The following MARK2 variants were observed in gnomAD, a reference collection of about 807,000 sequenced individuals.
The protein encoded by MARK2 is serine/threonine-protein kinase MARK2.
In MARK2, 16 loss-of-function variants were observed where a neutral mutation model predicts 89.8. The ratio of observed to expected loss-of-function variants is 0.18; its 90% confidence interval spans 0.12 to 0.27. The LOEUF is 0.27. Ranked by LOEUF, MARK2 falls within the 10% of genes least tolerant of loss-of-function variation. The probability of loss-of-function intolerance (pLI) is 1.00; values close to 1 mark genes in which losing one functional copy is unlikely to be tolerated. For missense variants in MARK2, 621 were observed against 1,049.9 expected (o/e 0.59, Z 5.65); for synonymous variants, 382 against 399.5 (o/e 0.96, Z 0.52).
At chr11:63,844,317 A>C (rs1423044933) in intron 1 of MARK2, among the ~76,000 whole-genome samples, 1 of 152,126 alleles carries the variant, frequency 6.6e-6, no homozygotes, top group Non-Finnish European at 1.5e-5. Flanking sequence ...CCATCTCTAC[A>C]AAAAAATTTT....
intron 1 of MARK2, among the ~76,000 whole-genome samples, chr11:63,852,550 A>G (rs2016624106): frequency 6.6e-6 from 1 of 151,936 alleles, no homozygotes; most frequent in African/African-American, 2.4e-5. Flanking sequence ...TAAAAAAGGG[A>G]GATTAGAAGA....
At chr11:63,898,463 C>A in intron 4 of MARK2, 145 bp from the exon 5 acceptor site, 1 of 888,406 alleles carries the variant, frequency 1.1e-6, no homozygotes, top group Non-Finnish European at 1.8e-6. Context: ...AGCAGTTTGG[C>A]TGGCATGAGA....
chr11:63,869,088 AGT>A (rs1938300699), intron 1 of MARK2, among the ~76,000 whole-genome samples: 1 of 152,096 alleles, frequency 6.6e-6, no homozygotes, highest in Non-Finnish European at 1.5e-5. Context: ...GTGGTATGAA[AGT>A]GTCATCTGAC....
At chr11:63,859,311 GTTTA>G (rs764871945) in intron 1 of MARK2, among the ~76,000 whole-genome samples, 114 of 149,252 alleles carry the variant, frequency 7.6e-4, no homozygotes, top group Non-Finnish European at 1.5e-3. Context: ...TTTTTAACCT[GTTTA>G]TTTCTTTTTT....
At position 63,874,322 on chromosome 11, in the gene MARK2, G is replaced by T. The variant is rs572105104; in HGVS notation, c.55-20837G>T. 1.2e-4 allele frequency among the ~76,000 whole-genome samples: 19 copies of T among 152,320 alleles called. No individual in the cohort carries two copies. The South Asian group carries it at 3.9e-3, about 32-fold the overall frequency. On this transcript the variant is annotated intron_variant, in intron 1 of 18. Transcript: ENST00000402010. ...TTTTGATTTCTGATTGGGAGTTTAG[G>T]CATCTGAGAATTGAATGCTTGCTTT...
intron 1 of MARK2, among the ~76,000 whole-genome samples, chr11:63,846,362 A>AT (rs1565092911): frequency 5.3e-5 from 8 of 150,790 alleles, no homozygotes; most frequent in Non-Finnish European, 7.4e-5. Context: ...ACAAAAAAAA[A>AT]ATTTTTTTTT....
chr11:63,890,926 G>A (rs575486332), intron 1 of MARK2, among the ~76,000 whole-genome samples: 34 of 152,316 alleles, frequency 2.2e-4, no homozygotes, highest in African/African-American at 6.7e-4. Context: ...AGAGTTCCTC[G>A]GGATCCTCCC....
chr11:63,845,111 A>C (rs2135194658), intron 1 of MARK2, among the ~76,000 whole-genome samples: 1 of 152,304 alleles, frequency 6.6e-6, no homozygotes, highest in South Asian at 2.1e-4. Context: ...CAGCAGATGG[A>C]AAGGGTGAGG....
chr11:63,856,077 A>G (rs969550933), intron 1 of MARK2, among the ~76,000 whole-genome samples: 1 of 152,208 alleles, frequency 6.6e-6, no homozygotes. Flanking sequence ...CAGACAAAAC[A>G]TGGGGCCCTT....
rs1052706603 is a variant in MARK2 at position 63,910,769 on chromosome 11, G to T, written c.*1532G>T. The stretch of plus-strand genomic sequence containing the variant: ...CTAGGAAGGGGCCTTGCCAACCTCA[G>T]CCCTCCTGCCCCACACTCCTACTGC... On this transcript the variant is annotated 3_prime_UTR_variant, in exon 19 of 19. Transcript: ENST00000402010. The T allele has an allele frequency of 8.4e-4, 127 of 151,086 alleles. 1 individual carries two copies. Among genetic ancestry groups the T allele is most frequent in the Non-Finnish European group, 8.8e-5 (6 of 67,942 alleles). 9.4% of individuals were successfully genotyped at this position (151,086 alleles called of 1,614,324 possible). A position where few individuals can be genotyped will look rare whatever the true frequency, so the allele number is the denominator to read the frequency against.
At chr11:63,889,334 C>G (rs1479347482) in intron 1 of MARK2, among the ~76,000 whole-genome samples, 1 of 152,226 alleles carries the variant, frequency 6.6e-6, no homozygotes, top group Non-Finnish European at 1.5e-5. Context: ...TAGTGCCTGG[C>G]TTACTCTGCT....
Position 63,895,623 on chromosome 11 carries a change from G to A in MARK2, c.278G>A (p.Ser93Asn). Reference protein sequence around the residue: ...IIDKTQLNSSSLQKLFREVRI... With the variant: ...IIDKTQLNSSNLQKLFREVRI... ...GACAAGACTCAACTGAACTCCTCCA[G>A]CCTCCAGAAAGTAAGCACATGGCAC... The change falls in exon 3 of 19, where the codon AGC (serine) becomes AAC (asparagine). Residue 93 changes from serine (S) to asparagine (N), a missense_variant. By Grantham distance (46) the Ser-to-Asn change is conservative. Transcript: ENST00000402010. 6.4e-7 allele frequency: 1 copy of A among 1,564,702 alleles called. No individual in the cohort carries two copies. The highest frequency in any genetic ancestry group is 8.7e-7 in the Non-Finnish European group (1 of 1,144,108).
intron 1 of MARK2, among the ~76,000 whole-genome samples, chr11:63,848,600 G>T (rs559199909): frequency 8.9e-4 from 134 of 151,238 alleles, no homozygotes; most frequent in Non-Finnish European, 1.7e-3. Flanking sequence ...GCCCAGGCTG[G>T]AGTGCAGTGG....
chr11:63,890,180 T>C, intron 1 of MARK2: 5 of 1,258,908 alleles, frequency 4.0e-6, no homozygotes, highest in Non-Finnish European at 5.3e-6. Flanking sequence ...TTGGAGACTC[T>C]CTCCTCTCTT....
At chr11:63,876,026 C>T (rs1285133173) in intron 1 of MARK2, among the ~76,000 whole-genome samples, 1 of 152,200 alleles carries the variant, frequency 6.6e-6, no homozygotes, top group Non-Finnish European at 1.5e-5. Context: ...TGTTGATTTG[C>T]AGAGTTTCCA....
intron 1 of MARK2, among the ~76,000 whole-genome samples, chr11:63,860,965 C>T (rs919307297): frequency 1.2e-4 from 19 of 152,124 alleles, no homozygotes; most frequent in Non-Finnish European, 2.2e-4. Context: ...CATATCAATT[C>T]GTGTCTACAT....
chr11:63,885,103 A>C (rs1939315115), intron 1 of MARK2, among the ~76,000 whole-genome samples: 1 of 152,102 alleles, frequency 6.6e-6, no homozygotes, highest in African/African-American at 2.4e-5. Context: ...TTCAAGAGGA[A>C]GATCACTTGA....
At position 63,910,657 on chromosome 11, in the gene MARK2, T is replaced by TTTA. The variant is rs1554990148; in HGVS notation, c.*1422_*1423insATT. On this transcript the variant is annotated 3_prime_UTR_variant, in exon 19 of 19. Coordinates refer to ENST00000402010, the MANE Select transcript of MARK2 (RefSeq NM_001039469.3). Reference sequence around the variant, plus strand: ...ATTTTTTATTATTTTATTTTATTTTTTTTTTTTTTGATTTATGATGACTCC... The same window carrying TTTA: ...ATTTTTTATTATTTTATTTTATTTTTTTATTTTTTTTTGATTTATGATGACTCC... 2.1e-4 allele frequency: 25 copies of TTTA among 117,016 alleles called. No individual in the cohort carries two copies. The highest frequency in any genetic ancestry group is 9.9e-4 in the Admixed American group (12 of 12,120). The allele number at this position is 117,016 out of a possible 1,614,324, so 7.2% of individuals were successfully genotyped here.
chr11:63,907,454 T>C (rs161053), intron 17 of MARK2, among the ~76,000 whole-genome samples: 149,377 of 152,334 alleles, frequency 0.98, 73,301 homozygotes, highest in East Asian at 1. Context: ...CTTCCTCTCA[T>C]ATCCTTCCTC....
Sources: allele counts gnomAD v4.1 joint callset (sites outside exome capture counted in the v4.1 genomes callset), GRCh38; gene constraint gnomAD v4.1.1; transcripts MANE v1.5; gene names NCBI Gene and HGNC (gene_info 2026-07-23, HGNC 2026-07-21).